The following ACADVL variants were observed in gnomAD, a reference collection of about 807,000 sequenced individuals.
ACADVL encodes the protein very long-chain acyl-CoA dehydrogenase, mitochondrial.
ACADVL carries 73 observed loss-of-function variants against 80.4 expected under a neutral mutation model. The ratio of observed to expected loss-of-function variants is 0.91; its 90% CI spans 0.75 to 1.10. ACADVL has a LOEUF of 1.10. ACADVL is among the 50% of genes least tolerant of loss of function. ACADVL has a pLI of 0.00. For synonymous variants in ACADVL, 392 were observed against 326.5 expected (o/e 1.20, Z -2.16); for missense variants, 878 against 858.9 (o/e 1.02, Z -0.28).
In ACADVL at chr17:7,224,322, C is replaced by CGG; in HGVS notation, c.1536_1537dup (p.Ala513GlyfsTer8). 6.2e-7 allele frequency: 1 copy of CGG among 1,613,756 alleles called. No homozygotes were observed. Among genetic ancestry groups the CGG allele is most frequent in the Non-Finnish European group, 8.5e-7 (1 of 1,179,960 alleles). ...AGTCATTCTCCCTCTTCCTCTCAGG[C>CGG]GGGCAGGGCTGGGCAGCGGCCTGAG... On this transcript the variant is annotated frameshift_variant and splice_region_variant, in exon 16 of 20. Transcript: ENST00000356839. LOFTEE classifies it high-confidence loss of function.
intron 9 of ACADVL, 147 bp from the exon 10 acceptor site, chr17:7,222,520 C>A: frequency 1.7e-6 from 2 of 1,164,360 alleles, no homozygotes; most frequent in Non-Finnish European, 2.5e-6. Flanking sequence ...CCTTAGCCCT[C>A]AGGGCCTGAG....
In ACADVL at chr17:7,225,139, C is replaced by CAAGCCA; in HGVS notation, c.*48_*53dup. Reference sequence around the variant, plus strand: ...CCTGTCCCAGTTATGTGCCTTCCCTCAAGCCAAAGCCGAAGCCCCTTTCCT... The same window carrying CAAGCCA: ...CCTGTCCCAGTTATGTGCCTTCCCTCAAGCCAAAGCCAAAGCCGAAGCCCCTTTCCT... On this transcript the variant is annotated 3_prime_UTR_variant, in exon 20 of 20. Transcript: ENST00000356839. 5 of 1,613,392 alleles carry CAAGCCA rather than the reference C, an allele frequency of 3.1e-6. No homozygotes were observed. The highest frequency in any genetic ancestry group is 1.1e-5 in the South Asian group (1 of 91,076).
chr17:7,222,173 A>G lies in ACADVL; in HGVS notation c.753-4A>G, dbSNP rs761111777. On this transcript the variant is annotated splice_polypyrimidine_tract_variant and splice_region_variant and intron_variant, in intron 8 of 19. Transcript: ENST00000356839. ...CACGCCCTGAATATCCCATTCTTCC[A>G]CAGTAATGGGGGCCTAGCAGACATC... The G allele has an allele frequency of 4.3e-6, 7 of 1,613,924 alleles. No homozygotes were observed. The highest frequency in any genetic ancestry group is 5.9e-6 in the Non-Finnish European group (7 of 1,180,012).
At chr17:7,223,560 T>C in intron 11 of ACADVL, 84 bp from the exon 12 acceptor site, 6 of 1,439,138 alleles carry the variant, frequency 4.2e-6, no homozygotes, top group South Asian at 3.4e-5. Context: ...GGTCAGCCCT[T>C]ATCTTGGAGA....
upstream of ACADVL, chr17:7,217,607 G>A: frequency 7.1e-7 from 1 of 1,406,990 alleles, no homozygotes; most frequent in Non-Finnish European, 9.3e-7. Context: ...TGGAGCCGAA[G>A]AGGGAAGGGG....
chr17:7,224,001 C>T lies in ACADVL; in HGVS notation c.1366C>T (p.Arg456Cys), dbSNP rs794727111. 3.7e-6 allele frequency: 6 copies of T among 1,613,958 alleles called. No homozygotes were observed. The highest frequency in any genetic ancestry group is 2.7e-5 in the African/African-American group (2 of 74,896). The change falls in exon 14 of 20, where the codon CGC becomes TGC. Residue 456 changes from arginine (R) to cysteine (C), a missense_variant. Coordinates refer to ENST00000356839, the MANE Select transcript of ACADVL (RefSeq NM_000018.4). Reference protein sequence around the residue: ...PGVERVLRDLRIFRIFEGTND... With the variant: ...PGVERVLRDLCIFRIFEGTND... ...AGTAGAGCGTGTGCTCCGAGATCTT[C>T]GCATCTTCCGGATCTTTGAGGGGAC... is the stretch of plus-strand genomic sequence containing the variant.
Position 7,224,749 on chromosome 17 carries a change from G to C in ACADVL, c.1751+35G>C, listed in dbSNP as rs768171135. Reference sequence around the variant, plus strand: ...CAGGCAGGGAATGCCTGAGCCGCAGGGGGCCTGGGCCTGGATCCCAGCCGG... The same window carrying C: ...CAGGCAGGGAATGCCTGAGCCGCAGCGGGCCTGGGCCTGGATCCCAGCCGG... On this transcript the variant is annotated intron_variant, in intron 18 of 19. Transcript: ENST00000356839. The C allele has an allele frequency of 1.4e-5, 22 of 1,612,462 alleles. No homozygotes were observed. In the Admixed American group the frequency reaches 3.0e-4, roughly 22 times the overall value.
At chr17:7,223,075 C>T (rs1239083831) in intron 10 of ACADVL, 58 bp from the exon 11 acceptor site, 4 of 1,549,182 alleles carry the variant, frequency 2.6e-6, no homozygotes, top group East Asian at 2.2e-5. Context: ...CAGCCCCTCT[C>T]CTAGGGAGAC....
intron 6 of ACADVL, 52 bp downstream of exon 6, chr17:7,221,110 A>G (rs1275741529): frequency 3.7e-6 from 6 of 1,610,926 alleles, no homozygotes; most frequent in South Asian, 1.1e-5. Context: ...AGCTTGGCAG[A>G]CTCAGCTCTT....
chr17:7,217,737 A>C, upstream of ACADVL: 1 of 1,534,974 alleles, frequency 6.5e-7, no homozygotes, highest in Non-Finnish European at 8.7e-7. Flanking sequence ...ATGGGAAAGG[A>C]GATAGAAGCA....
rs773669084 is a variant in ACADVL, at chr17:7,222,680, A to T, written c.892A>T (p.Lys298Ter). 1.2e-6 allele frequency: 2 copies of T among 1,613,794 alleles called. No individual in the cohort carries two copies. The highest frequency in any genetic ancestry group is 8.5e-7 in the Non-Finnish European group (1 of 1,179,880). The change falls in exon 10 of 20, where the codon AAG (lysine) becomes TAG (stop). Residue 298 changes from lysine (K) to a stop codon, truncating the protein, a stop_gained. Transcript: ENST00000356839. LOFTEE classifies it high-confidence loss of function. ...FGGITHGPPE[K>*]KMGIKASNTA... Reference sequence around the variant, plus strand: ...GCCCTGACACAGTGGGCCCCCTGAGAAGAAGATGGGCATCAAGGCTTCAAA... The same window carrying T: ...GCCCTGACACAGTGGGCCCCCTGAGTAGAAGATGGGCATCAAGGCTTCAAA...
At chr17:7,218,516 G>A (rs1163188940), upstream of ACADVL, 3 of 1,550,956 alleles carry the variant, frequency 1.9e-6, no homozygotes, top group East Asian at 2.4e-5. Flanking sequence ...GGAGGCCCAG[G>A]TCCCTCAGAA....
At position 7,221,070 on chromosome 17, in the gene ACADVL, C is replaced by G. The variant is rs1057523521; in HGVS notation, c.477+12C>G. On this transcript the variant is annotated intron_variant, in intron 6 of 19. Coordinates refer to ENST00000356839, the MANE Select transcript of ACADVL (RefSeq NM_000018.4). ...TTTGCAACACCCAGGTGAGGGCGCC[C>G]TATCGCCACATCCCAGTATGCCATA... 2.5e-6 allele frequency: 4 copies of G among 1,612,918 alleles called. No homozygotes were observed. Among genetic ancestry groups the G allele is most frequent in the South Asian group, 1.1e-5 (1 of 91,050 alleles).
rs1176184839 is a variant in ACADVL at position 7,220,619 on chromosome 17, G to A, written c.220G>A (p.Ala74Thr). ...KPAKAESKSF[A>T]VGMFKGQLTT... ...CTCTGCCCAGGAATCTAAGTCCTTT[G>A]CTGTGGGAATGTTCAAAGGCCAGCT... Residue 74 changes from alanine to threonine, a missense_variant, in exon 4 of 20, where the codon GCT becomes ACT. By Grantham distance (58) the Ala-to-Thr change is moderately conservative. Coordinates refer to ENST00000356839, the MANE Select transcript of ACADVL (RefSeq NM_000018.4). 2 of 1,614,102 alleles carry A rather than the reference G, an allele frequency of 1.2e-6. No homozygotes were observed. Among genetic ancestry groups the A allele is most frequent in the South Asian group, 1.1e-5 (1 of 91,084 alleles).
At chr17:7,221,925 G>A in intron 7 of ACADVL, 27 bp from the exon 8 acceptor site, 3 of 1,613,988 alleles carry the variant, frequency 1.9e-6, no homozygotes, top group Non-Finnish European at 2.5e-6. Context: ...ATCAGAACTT[G>A]GGGTAAAGTA....
rs1057523504 is a variant in ACADVL, at chr17:7,223,201, G to C, written c.1146G>C (p.Lys382Asn). 2 of 1,614,016 alleles carry C rather than the reference G, an allele frequency of 1.2e-6. No individual in the cohort carries two copies. The highest frequency in any genetic ancestry group is 1.3e-5 in the African/African-American group (1 of 74,934). ...ACAACTTTGGGCTGATCCAGGAGAAGCTGGCACGGATGGTTATGCTGCAGT... is the reference window on the plus strand; with the variant it reads ...ACAACTTTGGGCTGATCCAGGAGAACCTGGCACGGATGGTTATGCTGCAGT... ...KIHNFGLIQE[K>N]LARMVMLQYV... Residue 382 changes from lysine to asparagine, a missense_variant, in exon 11 of 20, where the codon AAG (lysine) becomes AAC (asparagine). By Grantham distance (94) the Lys-to-Asn change is moderately conservative. Transcript: ENST00000356839.
Position 7,221,951 on chromosome 17 carries a change from G to C in ACADVL, c.623-1G>C. ...GGGTAAAGTAGCTCTCTCCCCAACA[G>C]GGGAGACTGTGGCCGCTTTCTGTCT... On this transcript the variant is annotated splice_acceptor_variant, in intron 7 of 19. Transcript: ENST00000356839. LOFTEE classifies it high-confidence loss of function. The C allele has an allele frequency of 6.2e-7, 1 of 1,614,100 alleles. No individual in the cohort carries two copies. The highest frequency in any genetic ancestry group is 2.2e-5 in the East Asian group (1 of 44,884).
At position 7,223,138 on chromosome 17, in the gene ACADVL, T is replaced by G; in HGVS notation, c.1083T>G (p.Asp361Glu). The G allele has an allele frequency of 6.2e-7, 1 of 1,612,928 alleles. No homozygotes were observed. The highest frequency in any genetic ancestry group is 8.5e-7 in the Non-Finnish European group (1 of 1,178,948). Reference protein sequence around the residue: ...TMRGIIAKAVDHATNRTQFGE... With the variant: ...TMRGIIAKAVEHATNRTQFGE... ...ATGTGTGGACCCTCTTCCAGGTAGA[T>G]CATGCCACTAATCGTACCCAGTTTG... Residue 361 changes from aspartate (D) to glutamate (E), a missense_variant, in exon 11 of 20, where the codon GAT becomes GAG. Coordinates refer to ENST00000356839, the MANE Select transcript of ACADVL (RefSeq NM_000018.4).
rs937337463 is a variant in ACADVL, at chr17:7,221,385, T to C, written c.478-153T>C. Reference sequence around the variant, plus strand: ...CTGCTGTGCCCTTTGCACACCCCACTTCTTTTCTACACACTGGGGATGGCC... The same window carrying C: ...CTGCTGTGCCCTTTGCACACCCCACCTCTTTTCTACACACTGGGGATGGCC... On this transcript the variant is annotated intron_variant, in intron 6 of 19. Transcript: ENST00000356839. 38 of 1,379,592 alleles carry C rather than the reference T, an allele frequency of 2.8e-5. No homozygotes were observed. The African/African-American group carries it at 4.0e-4, about 14-fold the overall frequency. The allele number at this position is 1,379,592 out of a possible 1,614,324, so 85.5% of individuals were successfully genotyped here. A position where few individuals can be genotyped will look rare whatever the true frequency, so the allele number is the denominator to read the frequency against.
Sources: allele counts gnomAD v4.1 joint callset, GRCh38; gene constraint gnomAD v4.1.1; transcripts MANE v1.5; gene names NCBI Gene and HGNC (gene_info 2026-07-23, HGNC 2026-07-21).